Variants in BCAP29 observed in about 807,000 individuals in gnomAD.
The protein encoded by BCAP29 is B cell receptor associated protein 29.
A neutral mutation model predicts 31.8 loss-of-function variants in BCAP29; 34 were observed. The observed-to-expected ratio is 1.07, with a 90% CI of 0.81 to 1.42. The LOEUF (loss-of-function observed/expected upper bound fraction) is 1.42. Ranked by LOEUF, BCAP29 falls within the 40% of genes most tolerant of loss-of-function variation. The pLI, the probability that BCAP29 is intolerant of heterozygous loss-of-function variation, is 0.00. For missense variants in BCAP29, 314 were observed against 269.2 expected, an observed-to-expected ratio of 1.17 and a Z score of -1.16; for synonymous variants, 104 against 91.3, an observed-to-expected ratio of 1.14 and a Z score of -0.79.
At chr7:107,599,109 TATAA>T (rs1035080878) in intron 5 of BCAP29, among the ~76,000 whole-genome samples, 3 of 132,302 alleles carry the variant, frequency 2.3e-5, no homozygotes, top group South Asian at 2.1e-4. Flanking sequence ...AATATATATT[TATAA>T]ATATATAAAT....
At chr7:107,599,224 T>A (rs1291156114) in intron 5 of BCAP29, among the ~76,000 whole-genome samples, 1 of 130,218 alleles carries the variant, frequency 7.7e-6, no homozygotes, top group Non-Finnish European at 1.6e-5. Flanking sequence ...TATATATACA[T>A]AATTATATAT....
intron 2 of BCAP29, among the ~76,000 whole-genome samples, chr7:107,581,429 T>C (rs992619907): frequency 1.1e-4 from 17 of 152,332 alleles, no homozygotes; most frequent in Non-Finnish European, 2.2e-4. Context: ...ATCACAACCA[T>C]GTATTAGCAT....
chr7:107,604,312 A>T (rs1207330871), intron 6 of BCAP29, among the ~76,000 whole-genome samples: 1 of 152,204 alleles, frequency 6.6e-6, no homozygotes, highest in South Asian at 2.1e-4. Context: ...TAGGGACCAG[A>T]TAGTGAAAAA....
chr7:107,604,903 TTAAAG>T (rs2129270707), intron 6 of BCAP29, among the ~76,000 whole-genome samples: 1 of 152,168 alleles, frequency 6.6e-6, no homozygotes, highest in African/African-American at 2.4e-5. Flanking sequence ...TTTTAATTAT[TTAAAG>T]TAAATAAAAC....
rs1207810492 is a variant in BCAP29, at chr7:107,619,249, TCA to T, written c.*891_*892del. The stretch of plus-strand genomic sequence containing the variant: ...TACCTCAAAAATACATACACTGGTA[TCA>T]CACAGTCTTTCTACAATGTTTCTGT... On this transcript the variant is annotated 3_prime_UTR_variant, in exon 8 of 8. Transcript: ENST00000005259. 1 of 152,516 alleles carries T rather than the reference TCA, an allele frequency of 6.6e-6. No individual in the cohort carries two copies. Among genetic ancestry groups the T allele is most frequent in the Non-Finnish European group, 1.5e-5 (1 of 67,942 alleles). The allele number at this position is 152,516 out of a possible 1,614,324, so 9.4% of individuals were successfully genotyped here.
intron 4 of BCAP29, among the ~76,000 whole-genome samples, chr7:107,595,037 T>G (rs1429707486): frequency 6.6e-6 from 1 of 152,232 alleles, no homozygotes; most frequent in African/African-American, 2.4e-5. Flanking sequence ...GATTGAGTTC[T>G]GTGGTGTACC....
Position 107,618,438 on chromosome 7 carries a change from T to G in BCAP29, c.*75T>G. The G allele has an allele frequency of 6.2e-7, 1 of 1,613,048 alleles. No individual in the cohort carries two copies. Among genetic ancestry groups the G allele is most frequent in the Middle Eastern group, 1.7e-4 (1 of 6,052 alleles). Reference sequence around the variant, plus strand: ...TATGTTAGCCTCTAGAAAATTTAAGTTCAGAAAAATGCACTATGACCGGTT... The same window carrying G: ...TATGTTAGCCTCTAGAAAATTTAAGGTCAGAAAAATGCACTATGACCGGTT... On this transcript the variant is annotated 3_prime_UTR_variant, in exon 8 of 8. Transcript: ENST00000005259.
chr7:107,580,447 C>G (rs1263075534), intron 1 of BCAP29, 146 bp downstream of exon 1: 1 of 273,440 alleles, frequency 3.7e-6, no homozygotes, highest in Non-Finnish European at 6.8e-6. Context: ...GCCCGCGGCG[C>G]CTTCTGGGAG....
In BCAP29 at chr7:107,589,464, C is replaced by T. The variant is rs184354367; in HGVS notation, c.194-4491C>T. Among the ~76,000 whole-genome samples, 364 of 152,250 alleles carry T rather than the reference C, an allele frequency of 2.4e-3. 1 individual carries two copies. Among genetic ancestry groups the T allele is most frequent in the Non-Finnish European group, 3.9e-3 (267 of 68,014 alleles). ...GCATGCAACCTAGATCCCTTGCACGCGCAGTTCACAAAAGGGCTTCCACTC... is the reference window on the plus strand; with the variant it reads ...GCATGCAACCTAGATCCCTTGCACGTGCAGTTCACAAAAGGGCTTCCACTC... On this transcript the variant is annotated intron_variant, in intron 3 of 7. Transcript: ENST00000005259.
chr7:107,594,266 G>C (rs1405307179), intron 4 of BCAP29, 161 bp downstream of exon 4: 1 of 625,012 alleles, frequency 1.6e-6, no homozygotes, highest in East Asian at 2.8e-5. Context: ...ATAGCTCACT[G>C]TAACTTCAAA....
chr7:107,614,155 C>A (rs1813714242), intron 7 of BCAP29, among the ~76,000 whole-genome samples: 1 of 152,190 alleles, frequency 6.6e-6, no homozygotes, highest in African/African-American at 2.4e-5. Context: ...GGCTTGTCTT[C>A]AAAATTTGGC....
At chr7:107,621,312 A>G (rs1814951129), downstream of BCAP29, 1 of 192,774 alleles carries the variant, frequency 5.2e-6, no homozygotes, top group South Asian at 1.0e-4. Context: ...TAATCTTGGA[A>G]ATCCACTTAT....
chr7:107,607,494 C>T (rs1037777793), intron 6 of BCAP29, among the ~76,000 whole-genome samples: 1 of 151,958 alleles, frequency 6.6e-6, no homozygotes, highest in African/African-American at 2.4e-5. Flanking sequence ...CATCCCCCTC[C>T]ATCCTTTCAA....
Position 107,618,348 on chromosome 7 carries a change from CAAGAA to C in BCAP29, c.716_720del (p.Lys239ThrfsTer83). The C allele has an allele frequency of 6.3e-7, 1 of 1,592,532 alleles. No homozygotes were observed. The highest frequency in any genetic ancestry group is 8.6e-7 in the Non-Finnish European group (1 of 1,168,576). Reference sequence around the variant, plus strand: ...TACAGGATCGTTTAGAAAGAGGCAACAAGAAAAGACTGTGAACTTTATAAAAGACA... The same window carrying C: ...TACAGGATCGTTTAGAAAGAGGCAACAAGACTGTGAACTTTATAAAAGACA... On this transcript the variant is annotated frameshift_variant, in exon 8 of 8. Transcript: ENST00000005259. LOFTEE classifies it high-confidence loss of function.
chr7:107,591,121 T>G (rs1486047203), intron 3 of BCAP29, among the ~76,000 whole-genome samples: 3 of 151,976 alleles, frequency 2.0e-5, no homozygotes, highest in African/African-American at 7.3e-5. Flanking sequence ...TGAAAGAAAA[T>G]CAAAATAAAT....
At chr7:107,622,447 T>C (rs899272985), downstream of BCAP29, 1 of 153,224 alleles carries the variant, frequency 6.5e-6, no homozygotes, top group Non-Finnish European at 1.5e-5. Context: ...GATCCTGGCA[T>C]ACCTGCATTC....
chr7:107,585,571 A>G (rs1026840640), intron 3 of BCAP29, among the ~76,000 whole-genome samples: 2 of 152,234 alleles, frequency 1.3e-5, no homozygotes, highest in African/African-American at 4.8e-5. Flanking sequence ...AGAGATGGAA[A>G]GAATCTCTGC....
At chr7:107,620,556 CA>C (rs1387327996), downstream of BCAP29, 4 of 152,154 alleles carry the variant, frequency 2.6e-5, no homozygotes, top group African/African-American at 9.7e-5. Flanking sequence ...ATTATAAATT[CA>C]AACACAGGAA....
chr7:107,598,661 A>T (rs1049198099), intron 5 of BCAP29, among the ~76,000 whole-genome samples: 3 of 152,048 alleles, frequency 2.0e-5, no homozygotes, highest in Admixed American at 6.6e-5. Context: ...ATTTTGATGA[A>T]TATATTGGCT....
Sources: allele counts gnomAD v4.1 joint callset (sites outside exome capture counted in the v4.1 genomes callset), GRCh38; gene constraint gnomAD v4.1.1; transcripts MANE v1.5; gene names NCBI Gene and HGNC (gene_info 2026-07-23, HGNC 2026-07-21).